The following GPD1L variants were observed in gnomAD, a reference collection of about 807,000 sequenced individuals.
GPD1L encodes the protein glycerol-3-phosphate dehydrogenase 1-like protein.
In GPD1L, 17 loss-of-function variants were observed where a neutral mutation model predicts 32.9. The observed-to-expected ratio is 0.52, with a 90% CI of 0.35 to 0.78. GPD1L has a LOEUF of 0.78. GPD1L is among the 30% of genes least tolerant of loss of function. The pLI is 0.01. For synonymous variants in GPD1L, 187 were observed against 165.9 expected, an observed-to-expected ratio of 1.13 and a Z score of -0.98; for missense variants, 361 against 447.8, an observed-to-expected ratio of 0.81 and a Z score of 1.75.
chr3:32,138,446 A>G, intron 2 of GPD1L, 141 bp from the exon 3 acceptor site: 1 of 852,342 alleles, frequency 1.2e-6, no homozygotes. Flanking sequence ...AAGGCAAAGC[A>G]AACACACTTG....
At chr3:32,159,485 A>G (rs913235752) in intron 6 of GPD1L, 83 bp from the exon 7 acceptor site, 6 of 954,216 alleles carry the variant, frequency 6.3e-6, no homozygotes, top group South Asian at 1.5e-5. Flanking sequence ...AAAAAAGAAA[A>G]AAAACACTTA....
intron 2 of GPD1L, among the ~76,000 whole-genome samples, chr3:32,128,669 C>T (rs1700546650): frequency 6.6e-6 from 1 of 152,142 alleles, no homozygotes; most frequent in Non-Finnish European, 1.5e-5. Context: ...AAGACCCACC[C>T]CAATGACTTA....
intron 1 of GPD1L, among the ~76,000 whole-genome samples, chr3:32,107,352 T>C: frequency 6.6e-6 from 1 of 152,208 alleles, no homozygotes; most frequent in East Asian, 1.9e-4. Flanking sequence ...TTGAGAATTC[T>C]CCCTTGCCGA....
intron 4 of GPD1L, among the ~76,000 whole-genome samples, chr3:32,145,842 A>G (rs1225112398): frequency 6.6e-6 from 1 of 152,212 alleles, no homozygotes; most frequent in African/African-American, 2.4e-5. Context: ...GTAATGCTAC[A>G]GAGTAGACTG....
intron 1 of GPD1L, among the ~76,000 whole-genome samples, chr3:32,111,921 T>C (rs781731807): frequency 1.1e-4 from 16 of 152,010 alleles, no homozygotes; most frequent in Non-Finnish European, 2.2e-4. Context: ...GTTGTGATTC[T>C]CACCACACAG....
At chr3:32,134,794 G>A (rs1003686714) in intron 2 of GPD1L, among the ~76,000 whole-genome samples, 1 of 152,208 alleles carries the variant, frequency 6.6e-6, no homozygotes, top group Non-Finnish European at 1.5e-5. Context: ...GGCTGGGGAT[G>A]TATTTTAGCA....
At chr3:32,111,900 A>G (rs565382546) in intron 1 of GPD1L, among the ~76,000 whole-genome samples, 16 of 150,146 alleles carry the variant, frequency 1.1e-4, no homozygotes, top group African/African-American at 3.7e-4. Flanking sequence ...TGTCTGTGCT[A>G]CTCAGTTTCT....
chr3:32,154,811 G>A (rs995438442), intron 5 of GPD1L, among the ~76,000 whole-genome samples: 1 of 151,562 alleles, frequency 6.6e-6, no homozygotes, highest in Non-Finnish European at 1.5e-5. Context: ...GCAGTGGCAT[G>A]ATCTCGGCTC....
chr3:32,152,948 G>A (rs1700940399), intron 5 of GPD1L, among the ~76,000 whole-genome samples: 2 of 152,242 alleles, frequency 1.3e-5, no homozygotes, highest in Admixed American at 6.5e-5. Flanking sequence ...GGGTACACTA[G>A]GTGTGACCAT....
intron 7 of GPD1L, among the ~76,000 whole-genome samples, chr3:32,164,594 A>G (rs1026152723): frequency 2.0e-5 from 3 of 152,210 alleles, no homozygotes; most frequent in Non-Finnish European, 2.9e-5. Context: ...CATTTTACAG[A>G]TGGGCAAACA....
intron 1 of GPD1L, among the ~76,000 whole-genome samples, chr3:32,125,628 A>G (rs945065741): frequency 6.6e-6 from 1 of 152,230 alleles, no homozygotes; most frequent in Non-Finnish European, 1.5e-5. Flanking sequence ...AGTCCACTGC[A>G]GTTTACCCTT....
chr3:32,141,064 C>T (rs1700735526), intron 4 of GPD1L, among the ~76,000 whole-genome samples: 1 of 152,180 alleles, frequency 6.6e-6, no homozygotes, highest in Non-Finnish European at 1.5e-5. Flanking sequence ...TTTTCAGATG[C>T]TTTGCAAAAG....
intron 1 of GPD1L, among the ~76,000 whole-genome samples, chr3:32,115,566 G>T (rs1700318540): frequency 6.6e-6 from 1 of 151,996 alleles, no homozygotes; most frequent in Non-Finnish European, 1.5e-5. Context: ...GTTTGCATGG[G>T]TTATAGGCAA....
At chr3:32,117,360 G>T (rs919010179) in intron 1 of GPD1L, among the ~76,000 whole-genome samples, 1 of 152,236 alleles carries the variant, frequency 6.6e-6, no homozygotes, top group East Asian at 1.9e-4. Context: ...TAATAAGCAA[G>T]TATGAGGAAG....
At chr3:32,120,216 C>G (rs1166395899) in intron 1 of GPD1L, among the ~76,000 whole-genome samples, 1 of 151,902 alleles carries the variant, frequency 6.6e-6, no homozygotes, top group African/African-American at 2.4e-5. Context: ...TACTGGGGAG[C>G]CTGAGGCAGG....
chr3:32,114,545 G>T (rs1200732411), intron 1 of GPD1L, among the ~76,000 whole-genome samples: 1 of 152,202 alleles, frequency 6.6e-6, no homozygotes, highest in Non-Finnish European at 1.5e-5. Context: ...GATTAACTGT[G>T]ATCTCTTCTC....
chr3:32,106,837 T>A lies in GPD1L; in HGVS notation c.47+79T>A, dbSNP rs1352880207. Reference sequence around the variant, plus strand: ...CGGGCGGTGAGGGCTGCGCGCCCCATGCTGCGGCGTGGGCACCGGGCACTG... The same window carrying A: ...CGGGCGGTGAGGGCTGCGCGCCCCAAGCTGCGGCGTGGGCACCGGGCACTG... On this transcript the variant is annotated intron_variant, in intron 1 of 7. Coordinates refer to ENST00000282541, the MANE Select transcript of GPD1L (RefSeq NM_015141.4). The surrounding 1 kb of genome is among the most constrained non-coding windows in gnomAD (Gnocchi z 4.0). The A allele has an allele frequency of 7.5e-7, 1 of 1,334,402 alleles. No individual in the cohort carries two copies. The highest frequency in any genetic ancestry group is 1.5e-5 in the African/African-American group (1 of 66,054). 82.7% of individuals were successfully genotyped at this position (1,334,402 alleles called of 1,614,324 possible).
At chr3:32,137,909 G>A (rs2125484772) in intron 2 of GPD1L, among the ~76,000 whole-genome samples, 1 of 152,298 alleles carries the variant, frequency 6.6e-6, no homozygotes, top group Middle Eastern at 3.4e-3. Context: ...AATCAACAGG[G>A]GTTGGTGAAG....
chr3:32,140,095 A>G (rs563126729), intron 3 of GPD1L, 133 bp from the exon 4 acceptor site: 2 of 858,050 alleles, frequency 2.3e-6, no homozygotes, highest in African/African-American at 1.7e-5. Flanking sequence ...TAAGCTGTAC[A>G]TAGGCAGTAT....
Sources: allele counts gnomAD v4.1 joint callset (sites outside exome capture counted in the v4.1 genomes callset), GRCh38; gene constraint gnomAD v4.1.1; non-coding constraint Gnocchi (gnomAD v3.1); transcripts MANE v1.5; gene names NCBI Gene and HGNC (gene_info 2026-07-23, HGNC 2026-07-21).